CENPI: variants seen among roughly 807,000 people sequenced by gnomAD.
CENPI encodes the protein centromere protein I.
CENPI carries 4 observed loss-of-function variants against 60.4 expected under a neutral mutation model. That is an observed-to-expected ratio of 0.07 (90% confidence interval 0.03 to 0.15). CENPI has a LOEUF of 0.15. CENPI is among the 10% of genes least tolerant of loss of function. The pLI is 1.00. For missense variants in CENPI, 444 were observed against 534.5 expected, an observed-to-expected ratio of 0.83 and a Z score of 1.67; for synonymous variants, 157 against 189.4, an observed-to-expected ratio of 0.83 and a Z score of 1.40.
intron 13 of CENPI, among the ~76,000 whole-genome samples, chrX:101,130,465 T>C (rs1188480950): frequency 4.5e-5 from 5 of 112,045 alleles, no homozygotes; most frequent in Non-Finnish European, 9.4e-5. Context: ...CCCTTTTTTT[T>C]AGTACCTGAC....
chrX:101,170,081 G>A (rs2090153310), downstream of CENPI, among the ~76,000 whole-genome samples: 1 of 111,798 alleles, frequency 8.9e-6, no homozygotes, highest in South Asian at 3.7e-4. Flanking sequence ...GTATTGTTCA[G>A]TAATGTCCTA....
At chrX:101,102,492 T>C (rs147421602) in intron 4 of CENPI, 81 bp downstream of exon 4, 51,740 of 298,161 alleles carry the variant, frequency 0.17, 4,942 homozygotes, top group South Asian at 0.27. Flanking sequence ...ATCTTATATA[T>C]ATATACACAC....
rs966332682 is a variant in CENPI, at chrX:101,162,994, C to T, written c.*27C>T. On this transcript the variant is annotated 3_prime_UTR_variant, in exon 22 of 22. Coordinates refer to ENST00000682095, the MANE Select transcript of CENPI (RefSeq NM_001386188.2). ...TGAATGTTGACATAAACTGAACACA[C>T]TGGACTAAACTCACTCCTCATTGCT... 2.5e-6 allele frequency: 3 copies of T among 1,192,874 alleles called. No homozygotes were observed. The highest frequency in any genetic ancestry group is 2.3e-4 in the Middle Eastern group (1 of 4,306).
rs769287009 is a variant in CENPI, at chrX:101,161,468, A to G, written c.2095-60A>G. On this transcript the variant is annotated intron_variant, in intron 20 of 21. Coordinates refer to ENST00000682095, the MANE Select transcript of CENPI (RefSeq NM_001386188.2). ...GTACTAACCAAGTATTTCTATCACC[A>G]TATCTCCCCACTTCTTTTTTGTTTT... 37 of 1,035,096 alleles carry G rather than the reference A, an allele frequency of 3.6e-5. No homozygotes were observed. The African/African-American group carries it at 6.1e-4, about 17-fold the overall frequency. 85.3% of individuals were successfully genotyped at this position (1,035,096 alleles called of 1,213,427 possible).
chrX:101,105,964 A>G (rs1211185546), intron 4 of CENPI, among the ~76,000 whole-genome samples: 2 of 109,533 alleles, frequency 1.8e-5, no homozygotes, highest in Admixed American at 2.0e-4. Flanking sequence ...TATTATAGTT[A>G]TTTCTGTGAT....
intron 8 of CENPI, among the ~76,000 whole-genome samples, chrX:101,122,158 T>G (rs1236244714): frequency 1.8e-5 from 2 of 111,680 alleles, no homozygotes; most frequent in African/African-American, 6.5e-5. Flanking sequence ...CAGTATATTC[T>G]CTGACTGTTA....
intron 8 of CENPI, among the ~76,000 whole-genome samples, chrX:101,124,403 C>A (rs2148183630): frequency 9.0e-6 from 1 of 111,054 alleles, no homozygotes; most frequent in African/African-American, 3.3e-5. Flanking sequence ...TTGCGGAGGG[C>A]AGTCAATTTG....
the CENPI span, among the ~76,000 whole-genome samples, chrX:101,176,595 G>A: frequency 3.9e-4 from 44 of 111,999 alleles, no homozygotes; most frequent in African/African-American, 1.4e-3. Flanking sequence ...GTCTATTCAT[G>A]TCCTTTGCTC....
chrX:101,139,952 A>G (rs1191093716), intron 15 of CENPI, among the ~76,000 whole-genome samples: 3 of 108,914 alleles, frequency 2.8e-5, no homozygotes, highest in Non-Finnish European at 5.7e-5. Context: ...CTCCTGCCTC[A>G]GCCTCCCAAG....
intron 20 of CENPI, among the ~76,000 whole-genome samples, chrX:101,151,841 G>GAAAAAAA (rs1216298839): frequency 1.7e-5 from 1 of 60,342 alleles, no homozygotes; most frequent in Non-Finnish European, 3.1e-5. Flanking sequence ...CTCAAAAAAA[G>GAAAAAAA]AAAAAAAAAA....
rs758210239 is a variant in CENPI, at chrX:101,132,415, C to T, written c.1429C>T (p.His477Tyr). 1 of 1,208,946 alleles carries T rather than the reference C, an allele frequency of 8.3e-7. No individual in the cohort carries two copies. Among genetic ancestry groups the T allele is most frequent in the Non-Finnish European group, 1.1e-6 (1 of 894,029 alleles). The stretch of plus-strand genomic sequence containing the variant: ...AGAGGTGAAACCACTTCTTTTTGAC[C>T]ATCTAGCGCAGCTCTTCTTTACATC... ...FSEVKPLLFD[H>Y]LAQLFFTSTI... The change falls in exon 15 of 22, where the codon CAT becomes TAT. Residue 477 changes from histidine (H) to tyrosine (Y), a missense_variant. Transcript: ENST00000682095.
At chrX:101,158,819 C>T (rs1165030743) in intron 20 of CENPI, among the ~76,000 whole-genome samples, 1 of 110,257 alleles carries the variant, frequency 9.1e-6, no homozygotes, top group African/African-American at 3.3e-5. Flanking sequence ...TTAGTAGGGA[C>T]GGGGTTTCGC....
At chrX:101,147,680 TG>T (rs1472935805) in intron 18 of CENPI, 82 bp from the exon 19 acceptor site, 4 of 726,058 alleles carry the variant, frequency 5.5e-6, no homozygotes, top group Admixed American at 3.0e-5. Context: ...TTAAAATGTA[TG>T]TTTTTTTTAA....
chrX:101,172,931 G>T, the CENPI span, among the ~76,000 whole-genome samples: 1 of 109,188 alleles, frequency 9.2e-6, no homozygotes, highest in African/African-American at 3.3e-5. Context: ...CTCTTACCCT[G>T]CCCTCTTCAA....
At chrX:101,154,605 G>A (rs960782367) in intron 20 of CENPI, among the ~76,000 whole-genome samples, 1 of 110,864 alleles carries the variant, frequency 9.0e-6, no homozygotes, top group Non-Finnish European at 1.9e-5. Flanking sequence ...AACAAAAAAC[G>A]GATCCAGCTG....
intron 15 of CENPI, among the ~76,000 whole-genome samples, chrX:101,133,769 A>C (rs1433866402): frequency 8.9e-6 from 1 of 112,005 alleles, no homozygotes; most frequent in Non-Finnish European, 1.9e-5. Flanking sequence ...TATCCCAGGA[A>C]GGTTCAGAAG....
chrX:101,178,604 T>C, the CENPI span, among the ~76,000 whole-genome samples: 16 of 109,616 alleles, frequency 1.5e-4, no homozygotes, highest in African/African-American at 5.3e-4. Flanking sequence ...AGAAATGGGG[T>C]TTCACCATGT....
intron 12 of CENPI, 119 bp downstream of exon 12, chrX:101,128,955 A>G (rs1306144711): frequency 1.7e-6 from 1 of 578,343 alleles, no homozygotes; most frequent in Non-Finnish European, 2.7e-6. Flanking sequence ...GTAATCTTAT[A>G]TTTAGAGCAT....
chrX:101,169,083 A>G (rs2090150987), downstream of CENPI, among the ~76,000 whole-genome samples: 1 of 112,152 alleles, frequency 8.9e-6, no homozygotes. Flanking sequence ...TAAAGTATAG[A>G]ATATACACAT....
Sources: allele counts gnomAD v4.1 joint callset (sites outside exome capture counted in the v4.1 genomes callset), GRCh38; gene constraint gnomAD v4.1.1; transcripts MANE v1.5; gene names NCBI Gene and HGNC (gene_info 2026-07-23, HGNC 2026-07-21).